Variants in RESF1 observed in about 807,000 individuals in gnomAD.
The protein encoded by RESF1 is gonad expressed transcript.
Under a neutral mutation model 134.7 loss-of-function variants are expected in RESF1, and 65 were observed. That is an observed-to-expected ratio of 0.48 (90% CI 0.40 to 0.59). The LOEUF is 0.59. Ranked by LOEUF, RESF1 falls within the 20% of genes least tolerant of loss-of-function variation. The pLI, the probability that RESF1 is intolerant of heterozygous loss-of-function variation, is 0.00. For synonymous variants in RESF1, 762 were observed against 702.2 expected (o/e 1.09, Z -1.35); for missense variants, 2,274 against 2,002.7 (o/e 1.14, Z -2.59).
rs1226333384 is a variant in RESF1, at chr12:31,985,895, A to G, written c.4940A>G (p.Asn1647Ser). The G allele has an allele frequency of 6.6e-7, 1 of 1,522,538 alleles. No homozygotes were observed. The highest frequency in any genetic ancestry group is 2.4e-5 in the Admixed American group (1 of 41,040). 94.3% of individuals were successfully genotyped at this position (1,522,538 alleles called of 1,614,324 possible). ...LCPDILLKNT[N>S]SVEERKDVKP... ...CCAGATATCTTACTAAAGAATACAA[A>G]CTCTGTGGAAGAACGGAAGGATGTA... The change falls in exon 4 of 6, where the codon AAC becomes AGC. Residue 1647 changes from asparagine to serine, a missense_variant. By Grantham distance (46) the Asn-to-Ser change is conservative. Coordinates refer to ENST00000312561, the MANE Select transcript of RESF1 (RefSeq NM_018169.4).
intron 3 of RESF1, among the ~76,000 whole-genome samples, chr12:31,978,985 A>G (rs1161181939): frequency 2.1e-5 from 3 of 144,102 alleles, no homozygotes; most frequent in African/African-American, 7.8e-5. Flanking sequence ...CAGTGGCGCC[A>G]TCTGGGCTCA....
chr12:31,985,604 T>A lies in RESF1; in HGVS notation c.4649T>A (p.Ile1550Asn). The change falls in exon 4 of 6, where the codon ATT (isoleucine) becomes AAT (asparagine). Residue 1550 changes from isoleucine to asparagine, a missense_variant. Physicochemically the swap from Ile to Asn is moderately radical, Grantham distance 149. Transcript: ENST00000312561. ...GGGAAGCAGCCTGATAAAATATGGA[T>A]TGATAAGACTAAATTAGACAAATTA... ...VGGKQPDKIW[I>N]DKTKLDKLTN... 1 of 1,604,554 alleles carries A rather than the reference T, an allele frequency of 6.2e-7. No individual in the cohort carries two copies. Among genetic ancestry groups the A allele is most frequent in the Non-Finnish European group, 8.5e-7 (1 of 1,177,780 alleles).
chr12:31,975,449 C>T (rs4931589), intron 3 of RESF1, among the ~76,000 whole-genome samples: 39,580 of 152,010 alleles, frequency 0.26, 5,387 homozygotes, highest in African/African-American at 0.33. Flanking sequence ...ATGGGTCTTA[C>T]GGGTTTTGAT....
At chr12:31,965,224 T>C (rs1327312710) in intron 2 of RESF1, among the ~76,000 whole-genome samples, 2 of 152,188 alleles carry the variant, frequency 1.3e-5, no homozygotes, top group Non-Finnish European at 2.9e-5. Context: ...CCCAAAGTGC[T>C]GGAATTACAG....
chr12:31,981,735 G>C lies in RESF1; in HGVS notation c.780G>C (p.Gln260His). Reference protein sequence around the residue: ...LNSVLTLPSRQTSAVPSQQYA... With the variant: ...LNSVLTLPSRHTSAVPSQQYA... ...CTGTATTAACTTTACCATCAAGGCA[G>C]ACCTCAGCTGTACCATCACAGCAGT... is the stretch of plus-strand genomic sequence containing the variant. The change falls in exon 4 of 6, where the codon CAG (glutamine) becomes CAC (histidine). Residue 260 changes from glutamine (Q) to histidine (H), a missense_variant. By Grantham distance (24) the Gln-to-His change is conservative. Transcript: ENST00000312561. 6.2e-7 allele frequency: 1 copy of C among 1,613,716 alleles called. No individual in the cohort carries two copies. The highest frequency in any genetic ancestry group is 8.5e-7 in the Non-Finnish European group (1 of 1,180,016).
chr12:31,987,426 T>TA, intron 5 of RESF1, 104 bp downstream of exon 5: 1 of 678,062 alleles, frequency 1.5e-6, no homozygotes. Flanking sequence ...TTATCCATGT[T>TA]CTTTTTTTTT....
intron 3 of RESF1, among the ~76,000 whole-genome samples, chr12:31,978,032 T>G (rs1040675100): frequency 6.6e-6 from 1 of 151,834 alleles, no homozygotes; most frequent in Non-Finnish European, 1.5e-5. Context: ...CTTGAACTTC[T>G]GACCTCAAGC....
intron 3 of RESF1, among the ~76,000 whole-genome samples, chr12:31,975,946 T>A (rs2120815629): frequency 6.6e-6 from 1 of 152,328 alleles, no homozygotes; most frequent in East Asian, 1.9e-4. Flanking sequence ...GAATGAAACT[T>A]CTAGGTCTCA....
chr12:31,987,578 T>A (rs570359053), intron 5 of RESF1, among the ~76,000 whole-genome samples: 1 of 152,216 alleles, frequency 6.6e-6, no homozygotes, highest in East Asian at 1.9e-4. Context: ...GTTTGCATAT[T>A]TTACCTGTAT....
At position 31,983,260 on chromosome 12, in the gene RESF1, T is replaced by TCAGA; in HGVS notation, c.2306_2309dup (p.Glu770AspfsTer18). The stretch of plus-strand genomic sequence containing the variant: ...AGCTGTAGTGTCACCGTTAGTTCTG[T>TCAGA]CAGAGGTCAAAACATTGTCTGTCAA... On this transcript the variant is annotated frameshift_variant, in exon 4 of 6. Transcript: ENST00000312561. LOFTEE classifies it high-confidence loss of function. The TCAGA allele has an allele frequency of 6.2e-7, 1 of 1,612,612 alleles. No individual in the cohort carries two copies. Among genetic ancestry groups the TCAGA allele is most frequent in the Non-Finnish European group, 8.5e-7 (1 of 1,179,234 alleles).
rs1939198555 is a variant in RESF1, at chr12:31,959,441, A to T, written c.-392A>T. 1 of 152,392 alleles carries T rather than the reference A, an allele frequency of 6.6e-6. No homozygotes were observed. Among genetic ancestry groups the T allele is most frequent in the Admixed American group, 6.5e-5 (1 of 15,290 alleles). 9.4% of individuals were successfully genotyped at this position (152,392 alleles called of 1,614,324 possible). A position where few individuals can be genotyped will look rare whatever the true frequency, so the allele number is the denominator to read the frequency against. On this transcript the variant is annotated 5_prime_UTR_variant, in exon 1 of 6. Transcript: ENST00000312561. ...CTTGACTTAAACTCTGGGGCCCGGG[A>T]GGCCGCCGGTTTTCTCCCCGCTTGC...
At chr12:31,980,739 A>C (rs918906493) in intron 3 of RESF1, 139 bp from the exon 4 acceptor site, 1 of 473,348 alleles carries the variant, frequency 2.1e-6, no homozygotes, top group African/African-American at 2.0e-5. Flanking sequence ...TGTATCCTCT[A>C]TTGCTCCTCT....
intron 1 of RESF1, 21 bp from the exon 2 acceptor site, chr12:31,960,753 TAAA>T (rs1939243887): frequency 6.6e-6 from 1 of 152,218 alleles, no homozygotes; most frequent in African/African-American, 2.4e-5. Flanking sequence ...TCTTTTATTA[TAAA>T]ATGTTTCTTG....
Position 31,982,462 on chromosome 12 carries a change from G to A in RESF1, c.1507G>A (p.Val503Ile). The change falls in exon 4 of 6, where the codon GTT becomes ATT. Residue 503 changes from valine to isoleucine, a missense_variant. By Grantham distance (29) the Val-to-Ile change is conservative. Coordinates refer to ENST00000312561, the MANE Select transcript of RESF1 (RefSeq NM_018169.4). ...CAGAAGGTTTAACCAAGTTGATTCT[G>A]TTTTACCAAATCCTGTCTATTCTGA... ...NCRRFNQVDS[V>I]LPNPVYSEKR... 2 of 1,613,760 alleles carry A rather than the reference G, an allele frequency of 1.2e-6. No individual in the cohort carries two copies. The highest frequency in any genetic ancestry group is 8.5e-7 in the Non-Finnish European group (1 of 1,180,022).
chr12:31,976,231 T>C (rs1268243150), intron 3 of RESF1, among the ~76,000 whole-genome samples: 1 of 152,148 alleles, frequency 6.6e-6, no homozygotes, highest in East Asian at 1.9e-4. Context: ...TTGAATAACA[T>C]AGGAATTAGG....
rs138560989 is a variant in RESF1 at position 31,985,368 on chromosome 12, C to T, written c.4413C>T (p.Asn1471=). 1.9e-5 allele frequency: 30 copies of T among 1,606,618 alleles called. No individual in the cohort carries two copies. The highest frequency in any genetic ancestry group is 2.2e-5 in the East Asian group (1 of 44,870). ...CATCGAAGAAAATCTGTGTGAAAAA[C>T]GTGCCATGTGATTCTGAACATATGA... ...NKASKKICVK[N]VPCDSEHMRP... Residue 1471 remains asparagine (N), a synonymous_variant, in exon 4 of 6, where the codon AAC becomes AAT. Coordinates refer to ENST00000312561, the MANE Select transcript of RESF1 (RefSeq NM_018169.4).
At chr12:31,966,528 TC>T (rs1458013890) in intron 2 of RESF1, among the ~76,000 whole-genome samples, 1 of 152,248 alleles carries the variant, frequency 6.6e-6, no homozygotes, top group Non-Finnish European at 1.5e-5. Flanking sequence ...GGTCTGAACT[TC>T]CTGCTGGCCA....
intron 5 of RESF1, among the ~76,000 whole-genome samples, 179 bp downstream of exon 5, chr12:31,987,501 A>G (rs1176150633): frequency 1.3e-5 from 2 of 152,120 alleles, no homozygotes; most frequent in Non-Finnish European, 2.9e-5. Flanking sequence ...GTGCTGTGGA[A>G]TGAAAGGCTG....
rs1227496788 is a variant in RESF1 at position 31,983,808 on chromosome 12, CTTTGG to C, written c.2857_2861del (p.Gly953SerfsTer4). The C allele has an allele frequency of 6.2e-7, 1 of 1,612,190 alleles. No homozygotes were observed. Among genetic ancestry groups the C allele is most frequent in the African/African-American group, 1.3e-5 (1 of 74,750 alleles). ...TAGATAATACCACTGAAAATAAAGA[CTTTGG>C]TTTTCAAAAAGATAAACCTGTACAG... On this transcript the variant is annotated frameshift_variant, in exon 4 of 6. Transcript: ENST00000312561. LOFTEE classifies it high-confidence loss of function.
Sources: gnomAD v4.1 joint callset for allele counts (sites outside exome capture counted in the v4.1 genomes callset) on GRCh38, gnomAD v4.1.1 for gene constraint, MANE v1.5 for transcripts, NCBI Gene and HGNC (gene_info 2026-07-23, HGNC 2026-07-21) for gene names.